Variants in ATRN observed in about 807,000 individuals in gnomAD.
The protein encoded by ATRN is attractin.
A neutral mutation model predicts 178.7 loss-of-function variants in ATRN; 54 were observed. That is an observed-to-expected ratio of 0.30 (90% CI 0.24 to 0.38). The LOEUF is 0.38. Ranked by LOEUF, ATRN falls within the 10% of genes least tolerant of loss-of-function variation. ATRN has a pLI of 1.00. For missense variants in ATRN, 1,443 were observed against 1,815.1 expected, an observed-to-expected ratio of 0.79 and a Z score of 3.73; for synonymous variants, 636 against 663.0, an observed-to-expected ratio of 0.96 and a Z score of 0.63.
chr20:3,512,637 T>G (rs1481954687), intron 1 of ATRN, among the ~76,000 whole-genome samples: 2 of 152,282 alleles, frequency 1.3e-5, no homozygotes, highest in East Asian at 3.9e-4. Context: ...ATGGGATGGC[T>G]GGGTCAAATG....
Position 3,578,724 on chromosome 20 carries a change from A to C in ATRN, c.2496A>C (p.Val832=). The C allele has an allele frequency of 1.2e-6, 2 of 1,614,158 alleles. No individual in the cohort carries two copies. The highest frequency in any genetic ancestry group is 1.7e-6 in the Non-Finnish European group (2 of 1,180,006). The change falls in exon 15 of 29, where the codon GTA becomes GTC. Residue 832 remains valine, a synonymous_variant. Transcript: ENST00000262919. The part of the protein sequence containing the change: ...LLASLTTQKK[V]EFVLKQLRIM... ...CTTCTCTTACAACCCAGAAGAAGGT[A>C]GAATTTGTCCTTAAGCAGCTGCGAA...
At chr20:3,601,674 GC>G (rs1485872358) in intron 23 of ATRN, among the ~76,000 whole-genome samples, 1 of 144,766 alleles carries the variant, frequency 6.9e-6, no homozygotes, top group Admixed American at 7.0e-5. Context: ...ACCAGCCTGG[GC>G]AACATAGTGA....
At chr20:3,626,049 T>C (rs182035911) in intron 25 of ATRN, among the ~76,000 whole-genome samples, 411 of 152,176 alleles carry the variant, frequency 2.7e-3, no homozygotes, top group African/African-American at 9.5e-3. Flanking sequence ...CTGGACAACA[T>C]GGCAAAACCT....
chr20:3,499,946 G>A (rs2084933496), intron 1 of ATRN, among the ~76,000 whole-genome samples: 2 of 151,684 alleles, frequency 1.3e-5, no homozygotes, highest in Admixed American at 1.3e-4. Context: ...CTGACAAAGG[G>A]CTAATATCCA....
At chr20:3,644,440 T>C (rs886835681) in intron 28 of ATRN, among the ~76,000 whole-genome samples, 172 bp downstream of exon 28, 7 of 152,218 alleles carry the variant, frequency 4.6e-5, no homozygotes, top group Non-Finnish European at 7.3e-5. Context: ...TGCCCAAAAC[T>C]GTTTTCCCGA....
chr20:3,471,407 A>G lies in ATRN; in HGVS notation c.300A>G (p.Glu100=), dbSNP rs2084420111. 1 of 1,488,906 alleles carries G rather than the reference A, an allele frequency of 6.7e-7. No individual in the cohort carries two copies. The highest frequency in any genetic ancestry group is 8.9e-7 in the Non-Finnish European group (1 of 1,127,562). The allele number at this position is 1,488,906 out of a possible 1,614,324, so 92.2% of individuals were successfully genotyped here. The change falls in exon 1 of 29, where the codon GAA becomes GAG. Residue 100 remains glutamate, a synonymous_variant. Transcript: ENST00000262919. ...GCTCAGCCGCAGCCGAGGCCAAGGA[A>G]TGTGACCGGCCCTGTGTCAACGGCG... ...VSGSAAAEAK[E]CDRPCVNGGR... is the part of the protein sequence containing the mutation.
At chr20:3,555,585 C>G in intron 6 of ATRN, among the ~76,000 whole-genome samples, 1 of 152,154 alleles carries the variant, frequency 6.6e-6, no homozygotes, top group East Asian at 1.9e-4. Context: ...AGAGGAGAGT[C>G]TGGGTATTTT....
chr20:3,634,224 T>G (rs1261231230), intron 25 of ATRN, 87 bp from the exon 26 acceptor site: 4 of 1,282,784 alleles, frequency 3.1e-6, no homozygotes, highest in Admixed American at 1.8e-5. Context: ...GTGGGAGCTG[T>G]TTTCACTGCC....
intron 1 of ATRN, among the ~76,000 whole-genome samples, chr20:3,525,611 A>AG (rs1291511535): frequency 3.3e-5 from 5 of 152,216 alleles, no homozygotes; most frequent in African/African-American, 1.2e-4. Flanking sequence ...AGAAAATTTC[A>AG]GGCCAATATC....
intron 20 of ATRN, among the ~76,000 whole-genome samples, chr20:3,595,040 A>G (rs1007097595): frequency 2.0e-5 from 3 of 152,234 alleles, no homozygotes; most frequent in Non-Finnish European, 4.4e-5. Context: ...GAAGCATGTC[A>G]GGCATCTTCC....
chr20:3,540,188 C>G, intron 2 of ATRN, 34 bp from the exon 3 acceptor site: 1 of 1,279,264 alleles, frequency 7.8e-7, no homozygotes, highest in Non-Finnish European at 1.1e-6. Context: ...GTTGTGATAA[C>G]TTTATTATAA....
In ATRN at chr20:3,471,475, G is replaced by C. The variant is rs1042206727; in HGVS notation, c.368G>C (p.Gly123Ala). The C allele has an allele frequency of 7.1e-7, 1 of 1,410,788 alleles. No homozygotes were observed. 87.4% of individuals were successfully genotyped at this position (1,410,788 alleles called of 1,614,324 possible). A position where few individuals can be genotyped will look rare whatever the true frequency, so the allele number is the denominator to read the frequency against. The change falls in exon 1 of 29, where the codon GGC becomes GCC. Residue 123 changes from glycine (G) to alanine (A), a missense_variant. Transcript: ENST00000262919. ...ACCGGCCAGTGCGTCTGCCCCGCCG[G>C]CTGGGTGGGCGAGCAATGCCAGCAC... ...PGTGQCVCPAGWVGEQCQHCG... is the reference protein window; with the variant it reads ...PGTGQCVCPAAWVGEQCQHCG...
intron 3 of ATRN, 116 bp from the exon 4 acceptor site, chr20:3,545,646 C>T (rs1204232561): frequency 9.3e-5 from 125 of 1,343,892 alleles, no homozygotes; most frequent in Non-Finnish European, 1.2e-4. Context: ...ATTTGCCTGT[C>T]TTCCTGGATG....
intron 2 of ATRN, among the ~76,000 whole-genome samples, chr20:3,536,454 G>T (rs1486144523): frequency 6.6e-6 from 1 of 152,096 alleles, no homozygotes; most frequent in South Asian, 2.1e-4. Flanking sequence ...CAAGTGATCC[G>T]CCTGCCTTGG....
chr20:3,589,824 G>A (rs546210526), intron 18 of ATRN, among the ~76,000 whole-genome samples: 3 of 152,334 alleles, frequency 2.0e-5, no homozygotes, highest in South Asian at 2.1e-4. Flanking sequence ...AAGGAGCAAT[G>A]GACCTGGGTG....
chr20:3,621,465 G>A (rs1456232106), intron 24 of ATRN, among the ~76,000 whole-genome samples: 1 of 152,188 alleles, frequency 6.6e-6, no homozygotes, highest in Non-Finnish European at 1.5e-5. Context: ...CCATGGGGCA[G>A]ATACACCTTA....
chr20:3,565,357 G>T lies in ATRN; in HGVS notation c.1796G>T (p.Arg599Leu). 1.2e-6 allele frequency: 2 copies of T among 1,613,384 alleles called. No homozygotes were observed. Among genetic ancestry groups the T allele is most frequent in the Middle Eastern group, 1.7e-4 (1 of 6,058 alleles). The change falls in exon 11 of 29, where the codon CGC becomes CTC. Residue 599 changes from arginine to leucine, a missense_variant. Arg to Leu is a moderately radical substitution (Grantham distance 102). Transcript: ENST00000262919. ...TTTTTCTTTCTCCTAGCCTGTGACC[G>T]CTGGTCAGTGCTTCCCAGACCTGAT... ...DFMAYDIACD[R>L]WSVLPRPDLH...
At position 3,576,892 on chromosome 20, in the gene ATRN, G is replaced by T. The variant is rs1278506163; in HGVS notation, c.2248G>T (p.Asp750Tyr). 6.2e-7 allele frequency: 1 copy of T among 1,614,088 alleles called. No individual in the cohort carries two copies. Among genetic ancestry groups the T allele is most frequent in the Non-Finnish European group, 8.5e-7 (1 of 1,180,004 alleles). Residue 750 changes from aspartate (D) to tyrosine (Y), a missense_variant, in exon 14 of 29, where the codon GAT becomes TAT. By Grantham distance (160) the Asp-to-Tyr change is radical (BLOSUM62 -3). Around this residue, in one of 4 missense-constraint regions of ATRN, gnomAD observed 862 missense variants for 972.1 expected, o/e 0.89. Transcript: ENST00000262919. The part of the protein sequence containing the change: ...SIFRYENCPK[D>Y]NPMYYCNKKT... Reference sequence around the variant, plus strand: ...TTTTAGGTATGAGAATTGCCCCAAGGATAACCCCATGTACTACTGTAACAA... The same window carrying T: ...TTTTAGGTATGAGAATTGCCCCAAGTATAACCCCATGTACTACTGTAACAA...
intron 24 of ATRN, among the ~76,000 whole-genome samples, chr20:3,622,803 A>G (rs954277916): frequency 2.0e-5 from 3 of 152,360 alleles, no homozygotes; most frequent in East Asian, 1.9e-4. Context: ...GCTGTTTTAT[A>G]TGAGGTTCTT....
Sources: gnomAD v4.1 joint callset for allele counts (sites outside exome capture counted in the v4.1 genomes callset) on GRCh38, gnomAD v4.1.1 for gene constraint, gnomAD v4.1.1 regional missense constraint, MANE v1.5 for transcripts, NCBI Gene and HGNC (gene_info 2026-07-23, HGNC 2026-07-21) for gene names.